The following ADAMTS3 variants were observed in gnomAD, a reference collection of about 807,000 sequenced individuals.
ADAMTS3 encodes the protein ADAM metallopeptidase with thrombospondin type 1 motif 3, also known as A disintegrin and metalloproteinase with thrombospondin motifs 3.
In ADAMTS3, 73 loss-of-function variants were observed where a neutral mutation model predicts 129.0. That is an observed-to-expected ratio of 0.57 (90% CI 0.47 to 0.69). ADAMTS3 has a LOEUF of 0.69. ADAMTS3 is among the 30% of genes least tolerant of loss of function. The pLI is 0.00. For synonymous variants in ADAMTS3, 477 were observed against 510.8 expected (o/e 0.93, Z 0.89); for missense variants, 1,457 against 1,514.5 (o/e 0.96, Z 0.63).
intron 3 of ADAMTS3, among the ~76,000 whole-genome samples, chr4:72,505,815 G>T (rs747532302): frequency 6.6e-6 from 1 of 151,772 alleles, no homozygotes; most frequent in Non-Finnish European, 1.5e-5. Context: ...GAGCAGAGAG[G>T]ACCATCCTGC....
At chr4:72,498,028 T>A (rs1329976334) in intron 3 of ADAMTS3, among the ~76,000 whole-genome samples, 1 of 152,026 alleles carries the variant, frequency 6.6e-6, no homozygotes, top group Non-Finnish European at 1.5e-5. Context: ...CTAAATTCTC[T>A]CTTTGTACAT....
chr4:72,309,425 C>A lies in ADAMTS3; in HGVS notation c.2151G>T (p.Gly717=). ...GCTTCCTGGGAGTTCTGGTAAATGT[C>A]CCCTTCACGGTTCGGCAGTGGGAAT... ...GDNSHCRTVK[G]TFTRTPRKLG... The change falls in exon 15 of 22, where the codon GGG becomes GGT. Residue 717 remains glycine (G), a synonymous_variant. Coordinates refer to ENST00000286657, the MANE Select transcript of ADAMTS3 (RefSeq NM_014243.3). 1 of 1,612,048 alleles carries A rather than the reference C, an allele frequency of 6.2e-7. No individual in the cohort carries two copies. Among genetic ancestry groups the A allele is most frequent in the Non-Finnish European group, 8.5e-7 (1 of 1,178,568 alleles).
intron 3 of ADAMTS3, among the ~76,000 whole-genome samples, chr4:72,437,374 CTAAAA>C (rs1480210424): frequency 6.6e-6 from 1 of 151,740 alleles, no homozygotes; most frequent in African/African-American, 2.4e-5. Flanking sequence ...AACCAACATC[CTAAAA>C]TATTTTCAAA....
intron 5 of ADAMTS3, among the ~76,000 whole-genome samples, chr4:72,327,248 A>G: frequency 6.6e-6 from 1 of 152,296 alleles, no homozygotes; most frequent in South Asian, 2.1e-4. Context: ...TATCATACTA[A>G]ATTAACAATT....
At chr4:72,310,892 T>G (rs1019769770) in intron 14 of ADAMTS3, among the ~76,000 whole-genome samples, 156 bp downstream of exon 14, 31 of 152,152 alleles carry the variant, frequency 2.0e-4, no homozygotes, top group African/African-American at 7.5e-4. Flanking sequence ...GAAAGTACAA[T>G]GTCTCTCAAA....
chr4:72,317,498 A>C (rs376714283), intron 10 of ADAMTS3, among the ~76,000 whole-genome samples: 8 of 151,936 alleles, frequency 5.3e-5, no homozygotes, highest in African/African-American at 1.4e-4. Flanking sequence ...TGAATTACTA[A>C]AGACCAATGT....
At chr4:72,412,222 T>C (rs1336178462) in intron 4 of ADAMTS3, among the ~76,000 whole-genome samples, 1 of 152,114 alleles carries the variant, frequency 6.6e-6, no homozygotes, top group Admixed American at 6.6e-5. Flanking sequence ...GCTTAGCTTA[T>C]GGATTTTATT....
rs1454051812 is a variant in ADAMTS3, at chr4:72,282,114, A to AAC, written c.*1020_*1021dup. On this transcript the variant is annotated 3_prime_UTR_variant, in exon 22 of 22. Transcript: ENST00000286657. ...ACTGATGATATTTTTCTCAGCTACC[A>AAC]ACATACAAATAAGTTATCCCAAAAC... 3.9e-5 allele frequency: 6 copies of AAC among 152,204 alleles called. No individual in the cohort carries two copies. Among genetic ancestry groups the AAC allele is most frequent in the Non-Finnish European group, 7.3e-5 (5 of 68,030 alleles). The allele number at this position is 152,204 out of a possible 1,614,324, so 9.4% of individuals were successfully genotyped here. A position where few individuals can be genotyped will look rare whatever the true frequency, so the allele number is the denominator to read the frequency against.
intron 3 of ADAMTS3, among the ~76,000 whole-genome samples, chr4:72,435,850 A>T (rs1282335844): frequency 6.6e-6 from 1 of 152,072 alleles, no homozygotes; most frequent in Non-Finnish European, 1.5e-5. Context: ...ACAAAAATTA[A>T]TTCGAAATAG....
intron 3 of ADAMTS3, among the ~76,000 whole-genome samples, chr4:72,456,916 T>C (rs149518843): frequency 2.1e-3 from 317 of 151,804 alleles, no homozygotes; most frequent in African/African-American, 7.3e-3. Flanking sequence ...TTTGAGAAAC[T>C]TGTTAAAGTG....
chr4:72,359,034 A>G lies in ADAMTS3; in HGVS notation c.662-19341T>C, dbSNP rs111381520. On this transcript the variant is annotated intron_variant, in intron 4 of 21. Coordinates refer to ENST00000286657, the MANE Select transcript of ADAMTS3 (RefSeq NM_014243.3). ...ACAAAACAAAGAAAATCCTGAGAAAAAAGCTGAAGAGACTAGAGAGGAATA... is the reference window on the plus strand; with the variant it reads ...ACAAAACAAAGAAAATCCTGAGAAAGAAGCTGAAGAGACTAGAGAGGAATA... Among the ~76,000 whole-genome samples the G allele has an allele frequency of 1.2e-4, 19 of 152,138 alleles. 2 individuals carry two copies. The highest frequency in any genetic ancestry group is 4.6e-4 in the African/African-American group (19 of 41,546).
intron 3 of ADAMTS3, among the ~76,000 whole-genome samples, chr4:72,430,738 A>G (rs1245903115): frequency 6.6e-6 from 1 of 152,000 alleles, no homozygotes; most frequent in Non-Finnish European, 1.5e-5. Flanking sequence ...TAAAGGAAAA[A>G]AACCATACGT....
At chr4:72,441,385 C>T (rs1235404103) in intron 3 of ADAMTS3, among the ~76,000 whole-genome samples, 1 of 151,708 alleles carries the variant, frequency 6.6e-6, no homozygotes, top group Non-Finnish European at 1.5e-5. Context: ...TGTCTTTTCA[C>T]TGATGATTTA....
chr4:72,414,707 G>T, intron 4 of ADAMTS3, 108 bp downstream of exon 4: 2 of 855,816 alleles, frequency 2.3e-6, no homozygotes, highest in Non-Finnish European at 1.6e-6. Flanking sequence ...TTCTATCTCC[G>T]CGTTATACAA....
chr4:72,363,899 G>A lies in ADAMTS3; in HGVS notation c.662-24206C>T, dbSNP rs893543280. On this transcript the variant is annotated intron_variant, in intron 4 of 21. Transcript: ENST00000286657. ...AATTCAGTGAAAGTTTGCCAGATAC[G>A]ACGATGATGATGGTGATGGCGACGA... 5.9e-5 allele frequency among the ~76,000 whole-genome samples: 9 copies of A among 152,194 alleles called. No individual in the cohort carries two copies. In the South Asian group the frequency reaches 1.9e-3, roughly 32 times the overall value.
At chr4:72,513,352 G>A (rs771630289) in intron 3 of ADAMTS3, among the ~76,000 whole-genome samples, 1 of 152,058 alleles carries the variant, frequency 6.6e-6, no homozygotes, top group Non-Finnish European at 1.5e-5. Flanking sequence ...ACTCAATAAT[G>A]TTATACCATC....
intron 3 of ADAMTS3, among the ~76,000 whole-genome samples, chr4:72,472,799 T>C (rs1328758538): frequency 1.3e-5 from 2 of 152,180 alleles, no homozygotes; most frequent in Non-Finnish European, 2.9e-5. Context: ...GGATAGCTTA[T>C]GTTGACAATT....
At chr4:72,565,765 C>G (rs1722006859) in intron 2 of ADAMTS3, among the ~76,000 whole-genome samples, 1 of 152,184 alleles carries the variant, frequency 6.6e-6, no homozygotes, top group Non-Finnish European at 1.5e-5. Context: ...CTATTTTCTT[C>G]CCTTTAAAAG....
intron 3 of ADAMTS3, among the ~76,000 whole-genome samples, chr4:72,468,743 T>A (rs2109991280): frequency 6.9e-6 from 1 of 145,586 alleles, no homozygotes; most frequent in African/African-American, 2.5e-5. Context: ...AAAACTGGCA[T>A]GTATTATGAA....
Sources: gnomAD v4.1 joint callset for allele counts (sites outside exome capture counted in the v4.1 genomes callset) on GRCh38, gnomAD v4.1.1 for gene constraint, MANE v1.5 for transcripts, NCBI Gene and HGNC (gene_info 2026-07-23, HGNC 2026-07-21) for gene names.